Variants in RETREG1 observed in about 807,000 individuals in gnomAD.
The protein encoded by RETREG1 is family with sequence similarity 134 member B.
In RETREG1, 44 loss-of-function variants were observed where a neutral mutation model predicts 54.8. The ratio of observed to expected loss-of-function variants is 0.80; its 90% CI spans 0.63 to 1.03. The LOEUF is 1.03. Among genes scored for constraint, RETREG1 ranks in the 50% least tolerant of loss-of-function variants. The pLI is 0.00. For synonymous variants in RETREG1, 217 were observed against 238.5 expected, an observed-to-expected ratio of 0.91 and a Z score of 0.83; for missense variants, 554 against 605.1, an observed-to-expected ratio of 0.92 and a Z score of 0.89.
In RETREG1 at chr5:16,478,986, T is replaced by C; in HGVS notation, c.672A>G (p.Leu224=). 6.2e-7 allele frequency: 1 copy of C among 1,611,616 alleles called. No homozygotes were observed. Among genetic ancestry groups the C allele is most frequent in the Non-Finnish European group, 8.5e-7 (1 of 1,178,628 alleles). The stretch of plus-strand genomic sequence containing the variant: ...ACAATGGACACAAAAATGCACACAG[T>C]ACTGAAAGAAGAAAGAGAGCAGAGG... ...IPGVILSYLL[L]LCAFLCPLFK... is the part of the protein sequence containing the mutation. The change falls in exon 6 of 9, where the codon TTA becomes TTG. Residue 224 remains leucine (L), a splice_region_variant and synonymous_variant. Coordinates refer to ENST00000306320, the MANE Select transcript of RETREG1 (RefSeq NM_001034850.3).
chr5:16,542,533 T>C (rs1286908923), intron 3 of RETREG1, among the ~76,000 whole-genome samples: 2 of 152,184 alleles, frequency 1.3e-5, no homozygotes, highest in South Asian at 2.1e-4. Context: ...TTTTATGACA[T>C]ACAAACAACG....
chr5:16,549,748 T>C (rs1741481465), intron 3 of RETREG1, among the ~76,000 whole-genome samples: 1 of 152,216 alleles, frequency 6.6e-6, no homozygotes, highest in South Asian at 2.1e-4. Context: ...CTTAATAAGC[T>C]ATGGAATTCA....
intron 3 of RETREG1, among the ~76,000 whole-genome samples, chr5:16,529,101 A>G (rs866567382): frequency 3.9e-5 from 6 of 152,338 alleles, no homozygotes; most frequent in Middle Eastern, 3.4e-3. Flanking sequence ...TCCCCCACCT[A>G]TGTGTTCCCT....
At chr5:16,571,426 G>A (rs778993838) in intron 2 of RETREG1, among the ~76,000 whole-genome samples, 6 of 152,096 alleles carry the variant, frequency 3.9e-5, no homozygotes, top group Non-Finnish European at 5.9e-5. Context: ...AGTGGTACAA[G>A]AGGCCCCTCC....
chr5:16,544,635 C>T (rs911324659), intron 3 of RETREG1, among the ~76,000 whole-genome samples: 2 of 152,272 alleles, frequency 1.3e-5, no homozygotes, highest in South Asian at 2.1e-4. Flanking sequence ...TTTTTGCATA[C>T]GGGTATTAAA....
chr5:16,555,635 G>A (rs1176825207), intron 3 of RETREG1, among the ~76,000 whole-genome samples: 1 of 152,186 alleles, frequency 6.6e-6, no homozygotes, highest in African/African-American at 2.4e-5. Flanking sequence ...GAGTCTCTAA[G>A]TGATTTGGGT....
intron 1 of RETREG1, among the ~76,000 whole-genome samples, chr5:16,607,319 T>A (rs1188722350): frequency 6.6e-6 from 1 of 152,110 alleles, no homozygotes; most frequent in African/African-American, 2.4e-5. Flanking sequence ...AGTGTCAGCA[T>A]ATAGCACACA....
At chr5:16,563,318 C>T (rs1321190788) in intron 3 of RETREG1, among the ~76,000 whole-genome samples, 1 of 152,172 alleles carries the variant, frequency 6.6e-6, no homozygotes, top group Admixed American at 6.6e-5. Context: ...AGTGCAGTGG[C>T]GTGATCTCCG....
intron 3 of RETREG1, among the ~76,000 whole-genome samples, chr5:16,510,234 A>G (rs1185621456): frequency 6.6e-6 from 1 of 152,132 alleles, no homozygotes; most frequent in Admixed American, 6.5e-5. Flanking sequence ...CAATTCCTTA[A>G]GGCATTTCAT....
chr5:16,574,651 G>T (rs1742275706), intron 1 of RETREG1, among the ~76,000 whole-genome samples: 2 of 152,150 alleles, frequency 1.3e-5, no homozygotes, highest in Admixed American at 1.3e-4. Flanking sequence ...CTGCCAGGTT[G>T]GCTGCCTGGA....
In RETREG1 at chr5:16,481,154, A is replaced by C. The variant is rs1322813020; in HGVS notation, c.586-61T>G. The C allele has an allele frequency of 3.5e-6, 4 of 1,157,034 alleles. No homozygotes were observed. The South Asian group carries it at 3.7e-5, about 11-fold the overall frequency. 71.7% of individuals were successfully genotyped at this position (1,157,034 alleles called of 1,614,324 possible). A position where few individuals can be genotyped will look rare whatever the true frequency, so the allele number is the denominator to read the frequency against. On this transcript the variant is annotated intron_variant, in intron 4 of 8. Coordinates refer to ENST00000306320, the MANE Select transcript of RETREG1 (RefSeq NM_001034850.3). ...ATAACACCAAGATATTTCGGAGCAC[A>C]GGATACACACACAATTGTAAATCTA...
At chr5:16,482,077 G>A (rs773589827) in intron 4 of RETREG1, among the ~76,000 whole-genome samples, 20 of 151,800 alleles carry the variant, frequency 1.3e-4, no homozygotes, top group East Asian at 1.9e-4. Flanking sequence ...TTCATTCTTC[G>A]GTACAGAGTT....
At chr5:16,518,246 A>G (rs1170208384) in intron 3 of RETREG1, among the ~76,000 whole-genome samples, 4 of 148,034 alleles carry the variant, frequency 2.7e-5, no homozygotes, top group Non-Finnish European at 6.0e-5. Context: ...TTATATAAGT[A>G]TATTATGGAT....
chr5:16,571,617 C>T (rs1396096046), intron 2 of RETREG1, among the ~76,000 whole-genome samples: 5 of 151,862 alleles, frequency 3.3e-5, no homozygotes, highest in Admixed American at 3.3e-4. Flanking sequence ...CTTTTAAACC[C>T]TGAATTAGTT....
chr5:16,582,631 A>G (rs1209342696), intron 1 of RETREG1, among the ~76,000 whole-genome samples: 1 of 147,900 alleles, frequency 6.8e-6, no homozygotes, highest in Non-Finnish European at 1.5e-5. Flanking sequence ...GTCAGGGGAA[A>G]CCCTCTGCTC....
intron 1 of RETREG1, among the ~76,000 whole-genome samples, chr5:16,584,999 T>C (rs994783183): frequency 6.6e-6 from 1 of 152,092 alleles, no homozygotes; most frequent in African/African-American, 2.4e-5. Context: ...GGGAAGTACT[T>C]CTTTAGTTGT....
intron 3 of RETREG1, among the ~76,000 whole-genome samples, chr5:16,524,208 C>G (rs184507954): frequency 2.3e-3 from 351 of 152,326 alleles, no homozygotes; most frequent in Non-Finnish European, 4.0e-3. Context: ...TGCATCTCCA[C>G]CAACACGCGT....
In RETREG1 at chr5:16,580,487, C is replaced by T. The variant is rs765901163; in HGVS notation, c.321-8385G>A. Among the ~76,000 whole-genome samples the T allele has an allele frequency of 1.3e-4, 20 of 152,322 alleles. No homozygotes were observed. In the East Asian group the frequency reaches 2.5e-3, roughly 19 times the overall value. ...TATGTAATAGTTCTCTGTAGAAGAA[C>T]TAAATACCATCAGACTCTGCCAAAA... On this transcript the variant is annotated intron_variant, in intron 1 of 8. Transcript: ENST00000306320.
intron 3 of RETREG1, among the ~76,000 whole-genome samples, chr5:16,565,188 C>A (rs927048053): frequency 6.6e-6 from 1 of 152,128 alleles, no homozygotes; most frequent in Admixed American, 6.6e-5. Context: ...TTGGAAACAG[C>A]CCCTTTACCA....
Sources: gnomAD v4.1 joint callset for allele counts (sites outside exome capture counted in the v4.1 genomes callset) on GRCh38, gnomAD v4.1.1 for gene constraint, MANE v1.5 for transcripts, NCBI Gene and HGNC (gene_info 2026-07-23, HGNC 2026-07-21) for gene names.